The following SYNRG variants were observed in gnomAD, a reference collection of about 807,000 sequenced individuals.
SYNRG encodes the protein synergin gamma, also known as AP1 gamma subunit binding protein 1.
A neutral mutation model predicts 130.9 loss-of-function variants in SYNRG; 37 were observed. The ratio of observed to expected loss-of-function variants is 0.28; its 90% CI spans 0.22 to 0.37. The LOEUF (loss-of-function observed/expected upper bound fraction) is 0.37, where lower values mean the gene tolerates loss of function less well. Among genes scored for constraint, SYNRG ranks in the 10% least tolerant of loss-of-function variants. The pLI, the probability that SYNRG is intolerant of heterozygous loss-of-function variation, is 1.00. For missense variants in SYNRG, 1,338 were observed against 1,588.9 expected (o/e 0.84, Z 2.68); for synonymous variants, 539 against 568.1 (o/e 0.95, Z 0.73).
In SYNRG at chr17:37,600,298, T is replaced by A. The variant is rs1436189007; in HGVS notation, c.118+65A>T. Reference sequence around the variant, plus strand: ...CAGAACTTATTTTCTATTTACTTATTTAATTCCCAGATTCAGAAACACAAG... The same window carrying A: ...CAGAACTTATTTTCTATTTACTTATATAATTCCCAGATTCAGAAACACAAG... On this transcript the variant is annotated intron_variant, in intron 2 of 21. Transcript: ENST00000612223. The A allele has an allele frequency of 3.5e-6, 5 of 1,412,994 alleles. No homozygotes were observed. The East Asian group carries it at 1.2e-4, about 33-fold the overall frequency. The allele number at this position is 1,412,994 out of a possible 1,614,324, so 87.5% of individuals were successfully genotyped here.
chr17:37,583,072 C>T (rs1394108471), intron 6 of SYNRG, among the ~76,000 whole-genome samples: 1 of 151,416 alleles, frequency 6.6e-6, no homozygotes, highest in African/African-American at 2.4e-5. Context: ...CTCACTGCAG[C>T]CTCTATCTCC....
chr17:37,535,730 A>C (rs560848821), intron 19 of SYNRG, among the ~76,000 whole-genome samples: 1 of 152,322 alleles, frequency 6.6e-6, no homozygotes, highest in Admixed American at 6.5e-5. Flanking sequence ...GTGAATTAAG[A>C]AAGGTGTAGC....
In SYNRG at chr17:37,588,258, CTT is replaced by C. The variant is rs35767898; in HGVS notation, c.241-1711_241-1710del. ...AAACATTGAGGATTCACTTTAAATT[CTT>C]TTTTTTTTTTTTTTTTTTTTGAGAC... On this transcript the variant is annotated intron_variant, in intron 3 of 21. Transcript: ENST00000612223. 7.1e-3 allele frequency among the ~76,000 whole-genome samples: 732 copies of C among 103,166 alleles called. 1 individual carries two copies. The highest frequency in any genetic ancestry group is 8.9e-3 in the Non-Finnish European group (473 of 52,886). The allele number at this position is 103,166 out of a possible 152,430, so 67.7% of individuals were successfully genotyped here.
chr17:37,543,864 C>T (rs897559128), intron 14 of SYNRG, among the ~76,000 whole-genome samples: 1 of 152,192 alleles, frequency 6.6e-6, no homozygotes, highest in Non-Finnish European at 1.5e-5. Flanking sequence ...ATATGCATTT[C>T]GTTTCATTGT....
chr17:37,523,492 C>T (rs931887825), intron 19 of SYNRG, among the ~76,000 whole-genome samples: 1 of 152,178 alleles, frequency 6.6e-6, no homozygotes, highest in Non-Finnish European at 1.5e-5. Flanking sequence ...CGGTGTTTAA[C>T]AACTGGCTCA....
At chr17:37,529,930 G>A (rs965779740) in intron 19 of SYNRG, 23 of 1,271,732 alleles carry the variant, frequency 1.8e-5, no homozygotes, top group African/African-American at 1.6e-4. Context: ...AGTAAGAACC[G>A]ATTGCCACCC....
chr17:37,577,365 G>T lies in SYNRG; in HGVS notation c.823+15C>A, dbSNP rs1210149463. On this transcript the variant is annotated intron_variant, in intron 7 of 21. Coordinates refer to ENST00000612223, the MANE Select transcript of SYNRG (RefSeq NM_007247.6). Reference sequence around the variant, plus strand: ...TGGTTAAACAAGTTTTTTGCTGAATGCTTCACGAGCTCACCACTCTCTTCA... The same window carrying T: ...TGGTTAAACAAGTTTTTTGCTGAATTCTTCACGAGCTCACCACTCTCTTCA... The T allele has an allele frequency of 6.2e-7, 1 of 1,609,564 alleles. No homozygotes were observed. The highest frequency in any genetic ancestry group is 1.7e-5 in the Admixed American group (1 of 59,656).
intron 7 of SYNRG, 41 bp downstream of exon 7, chr17:37,577,339 T>G: frequency 1.3e-6 from 2 of 1,570,348 alleles, no homozygotes; most frequent in Non-Finnish European, 1.8e-6. Context: ...TGAGCAACAT[T>G]TGGTTAAACA....
chr17:37,558,308 A>G (rs2059268740), intron 13 of SYNRG, among the ~76,000 whole-genome samples: 2 of 152,212 alleles, frequency 1.3e-5, no homozygotes, highest in African/African-American at 4.8e-5. Context: ...CCCCTAGCAG[A>G]AGAGTAGAAA....
At chr17:37,585,289 G>A (rs1429113199) in intron 5 of SYNRG, 36 bp downstream of exon 5, 2 of 1,533,070 alleles carry the variant, frequency 1.3e-6, no homozygotes, top group Non-Finnish European at 1.8e-6. Flanking sequence ...TTCAGGGTGT[G>A]TATGTTCTGG....
chr17:37,564,324 T>C (rs2059758993), intron 11 of SYNRG, among the ~76,000 whole-genome samples: 1 of 152,338 alleles, frequency 6.6e-6, no homozygotes, highest in African/African-American at 2.4e-5. Context: ...CCTTTGACTA[T>C]CTAGTTTAAC....
intron 14 of SYNRG, among the ~76,000 whole-genome samples, chr17:37,543,312 C>T (rs1441040019): frequency 6.6e-6 from 1 of 151,788 alleles, no homozygotes; most frequent in Non-Finnish European, 1.5e-5. Flanking sequence ...TGTATCTACT[C>T]CCCATTTTTT....
At chr17:37,526,132 C>T (rs1326664145) in intron 19 of SYNRG, among the ~76,000 whole-genome samples, 1 of 132,970 alleles carries the variant, frequency 7.5e-6, no homozygotes, top group South Asian at 2.4e-4. Context: ...GATGCCATCT[C>T]AAAAAAAAAA....
intron 19 of SYNRG, among the ~76,000 whole-genome samples, chr17:37,522,132 A>G (rs946510977): frequency 5.3e-5 from 2 of 37,478 alleles, no homozygotes; most frequent in African/African-American, 3.6e-4. Context: ...TATCTAATTC[A>G]CTACACACAC....
intron 14 of SYNRG, among the ~76,000 whole-genome samples, chr17:37,547,896 A>G (rs2058411387): frequency 6.6e-6 from 1 of 152,252 alleles, no homozygotes; most frequent in Non-Finnish European, 1.5e-5. Flanking sequence ...GTTACTTGGC[A>G]TCAGGGTAAA....
chr17:37,565,831 G>A (rs1293284226), intron 11 of SYNRG, among the ~76,000 whole-genome samples: 1 of 151,844 alleles, frequency 6.6e-6, no homozygotes, highest in Non-Finnish European at 1.5e-5. Flanking sequence ...TGAGAAGTGA[G>A]GAGCCTCTCC....
chr17:37,597,146 T>C (rs1261872107), intron 2 of SYNRG, among the ~76,000 whole-genome samples: 7 of 152,218 alleles, frequency 4.6e-5, no homozygotes, highest in African/African-American at 1.2e-4. Flanking sequence ...ATAAGACCTA[T>C]GGAGAATCCA....
intron 15 of SYNRG, chr17:37,541,431 A>G (rs934340335): frequency 2.2e-5 from 4 of 185,272 alleles, no homozygotes; most frequent in Admixed American, 1.3e-4. Context: ...AGCTGCCAAC[A>G]TATGGGACTG....
At chr17:37,549,539 T>C (rs950886352) in intron 14 of SYNRG, among the ~76,000 whole-genome samples, 3 of 152,160 alleles carry the variant, frequency 2.0e-5, no homozygotes, top group African/African-American at 7.2e-5. Context: ...TGCTTCATCA[T>C]ACAGAACACA....
Sources: gnomAD v4.1 joint callset for allele counts (sites outside exome capture counted in the v4.1 genomes callset) on GRCh38, gnomAD v4.1.1 for gene constraint, MANE v1.5 for transcripts, NCBI Gene and HGNC (gene_info 2026-07-23, HGNC 2026-07-21) for gene names.